UBR3: variants seen among roughly 807,000 people sequenced by gnomAD.
The protein encoded by UBR3 is ubiquitin protein ligase E3 component n-recognin 3.
A neutral mutation model predicts 243.2 loss-of-function variants in UBR3; 85 were observed. The observed-to-expected ratio is 0.35, with a 90% CI of 0.29 to 0.42. The LOEUF (loss-of-function observed/expected upper bound fraction) is 0.42, where lower values mean the gene tolerates loss of function less well. Ranked by LOEUF, UBR3 falls within the 10% of genes least tolerant of loss-of-function variation. The pLI is 1.00. For missense variants in UBR3, 1,686 were observed against 2,300.8 expected, an observed-to-expected ratio of 0.73 and a Z score of 5.47; for synonymous variants, 748 against 799.8, an observed-to-expected ratio of 0.94 and a Z score of 1.09.
In UBR3 at chr2:169,914,143, C is replaced by T. The variant is rs552260268; in HGVS notation, c.1863C>T (p.Asp621=). 2.6e-5 allele frequency: 39 copies of T among 1,489,114 alleles called. No homozygotes were observed. The highest frequency in any genetic ancestry group is 2.1e-4 in the African/African-American group (15 of 70,200). 92.2% of individuals were successfully genotyped at this position (1,489,114 alleles called of 1,614,324 possible). Reference sequence around the variant, plus strand: ...GGTTTGATGCTATTAACTTCGTAGACGAGGTATGTATATTTTTGATGTATG... The same window carrying T: ...GGTTTGATGCTATTAACTTCGTAGATGAGGTATGTATATTTTTGATGTATG... ...QDWFDAINFV[D]EPAPNQVTFH... Residue 621 remains aspartate, a synonymous_variant, in exon 11 of 39, where the codon GAC becomes GAT. Coordinates refer to ENST00000272793, the MANE Select transcript of UBR3 (RefSeq NM_172070.4).
At chr2:169,846,539 G>A (rs757313029) in intron 1 of UBR3, among the ~76,000 whole-genome samples, 24 of 152,134 alleles carry the variant, frequency 1.6e-4, no homozygotes, top group Non-Finnish European at 2.1e-4. Context: ...GTGAAACTCC[G>A]TCTCTACTAA....
intron 5 of UBR3, among the ~76,000 whole-genome samples, chr2:169,883,657 A>T (rs2083978652): frequency 6.6e-6 from 1 of 152,210 alleles, no homozygotes; most frequent in African/African-American, 2.4e-5. Flanking sequence ...ATAATTTCTT[A>T]TAAATTTTCT....
At position 169,891,691 on chromosome 2, in the gene UBR3, A is replaced by G. The variant is rs143052498; in HGVS notation, c.1105+460A>G. Among the ~76,000 whole-genome samples the G allele has an allele frequency of 2.6e-5, 4 of 152,138 alleles. No individual in the cohort carries two copies. In the East Asian group the frequency reaches 5.8e-4, roughly 22 times the overall value. ...CGTCATAAAGGCTCAGTAGGGACTC[A>G]TGTGTTTACTCAAAGGAGAAAGTAT... On this transcript the variant is annotated intron_variant, in intron 6 of 38. Coordinates refer to ENST00000272793, the MANE Select transcript of UBR3 (RefSeq NM_172070.4).
chr2:170,034,705 G>A (rs995244468), intron 31 of UBR3, among the ~76,000 whole-genome samples: 7 of 151,476 alleles, frequency 4.6e-5, no homozygotes, highest in African/African-American at 1.7e-4. Context: ...ATGATTACTG[G>A]ATCATATAGT....
intron 2 of UBR3, among the ~76,000 whole-genome samples, chr2:169,874,930 A>T (rs1450135717): frequency 6.6e-6 from 1 of 151,784 alleles, no homozygotes; most frequent in Non-Finnish European, 1.5e-5. Context: ...TTCCTTTTAG[A>T]CCTCGGCTTC....
At chr2:170,076,898 T>C (rs1325834271) in intron 36 of UBR3, among the ~76,000 whole-genome samples, 2 of 152,208 alleles carry the variant, frequency 1.3e-5, no homozygotes, top group Non-Finnish European at 2.9e-5. Flanking sequence ...TTCCAAAATA[T>C]TGCTCTACCA....
At chr2:170,021,726 T>C (rs1243306248) in intron 30 of UBR3, among the ~76,000 whole-genome samples, 4 of 152,180 alleles carry the variant, frequency 2.6e-5, no homozygotes, top group Admixed American at 6.5e-5. Context: ...AGTTTATCTT[T>C]TGAGAACAAA....
At chr2:169,947,338 A>G (rs1013857040) in intron 21 of UBR3, 14 of 367,986 alleles carry the variant, frequency 3.8e-5, no homozygotes, top group Non-Finnish European at 5.8e-5. Flanking sequence ...GGACATACCC[A>G]TATTAGTATT....
chr2:169,914,469 T>C (rs2085375522), intron 11 of UBR3, among the ~76,000 whole-genome samples: 2 of 152,164 alleles, frequency 1.3e-5, no homozygotes, highest in African/African-American at 4.8e-5. Context: ...TATATAAAAG[T>C]GACAATGCAA....
intron 5 of UBR3, among the ~76,000 whole-genome samples, chr2:169,881,737 T>C (rs1574110733): frequency 7.2e-6 from 1 of 139,818 alleles, no homozygotes; most frequent in East Asian, 2.0e-4. Context: ...TATTATATAT[T>C]ATATAATATA....
intron 28 of UBR3, 45 bp from the exon 29 acceptor site, chr2:170,008,755 TAAAG>T (rs746370650): frequency 5.2e-6 from 5 of 956,702 alleles, no homozygotes; most frequent in Admixed American, 2.9e-5. Context: ...AGACCATTAT[TAAAG>T]AAAGTGAATA....
intron 5 of UBR3, among the ~76,000 whole-genome samples, chr2:169,881,997 TTATATAA>T (rs1559054041): frequency 8.0e-6 from 1 of 125,722 alleles, no homozygotes; most frequent in Non-Finnish European, 1.6e-5. Flanking sequence ...ATATGTATAT[TTATATAA>T]TATATAATAT....
chr2:169,840,625 G>C (rs1260662973), intron 1 of UBR3, among the ~76,000 whole-genome samples: 3 of 152,102 alleles, frequency 2.0e-5, no homozygotes, highest in Non-Finnish European at 2.9e-5. Flanking sequence ...TGGTGGACCT[G>C]CCCCTTCCCC....
chr2:169,994,196 G>C, intron 25 of UBR3, 127 bp from the exon 26 acceptor site: 1 of 1,079,628 alleles, frequency 9.3e-7, no homozygotes, highest in Non-Finnish European at 1.3e-6. Context: ...TTTTTGAGGG[G>C]TCTTTAAAAA....
intron 14 of UBR3, among the ~76,000 whole-genome samples, chr2:169,926,229 G>A (rs1559100683): frequency 6.6e-6 from 1 of 152,234 alleles, no homozygotes; most frequent in Non-Finnish European, 1.5e-5. Context: ...CTGGCTCTGG[G>A]AGGGACTATC....
chr2:169,853,023 C>T (rs1486810165), intron 1 of UBR3, among the ~76,000 whole-genome samples: 3 of 151,988 alleles, frequency 2.0e-5, no homozygotes, highest in Non-Finnish European at 4.4e-5. Flanking sequence ...TTCATTCAAA[C>T]CAAAACAATG....
Position 170,033,577 on chromosome 2 carries a change from ACCCACCC to A in UBR3, c.4556+4133_4556+4139del, listed in dbSNP as rs1349761050. Among the ~76,000 whole-genome samples, 52 of 39,472 alleles carry A rather than the reference ACCCACCC, an allele frequency of 1.3e-3. 6 individuals are homozygous for A. The Middle Eastern group carries it at 0.043, about 33-fold the overall frequency. 25.9% of individuals were successfully genotyped at this position (39,472 alleles called of 152,430 possible). On this transcript the variant is annotated intron_variant, in intron 31 of 38. Transcript: ENST00000272793. Reference sequence around the variant, plus strand: ...CGGAAAATTTGATTGGTTTTTCCACACCCACCCCCCCCCCCCCCAATATTTGCTCTCA... The same window carrying A: ...CGGAAAATTTGATTGGTTTTTCCACACCCCCCCCCCCAATATTTGCTCTCA...
intron 26 of UBR3, among the ~76,000 whole-genome samples, chr2:169,994,957 A>G (rs1051738511): frequency 2.0e-5 from 3 of 152,092 alleles, no homozygotes; most frequent in African/African-American, 7.2e-5. Context: ...GTGTCCTGCC[A>G]TGGGATGGGG....
intron 2 of UBR3, 136 bp from the exon 3 acceptor site, chr2:169,875,655 C>A: frequency 1.2e-6 from 1 of 863,730 alleles, no homozygotes; most frequent in Non-Finnish European, 1.6e-6. Context: ...AAACAGAGTT[C>A]TTGTATTGAC....
Sources: gnomAD v4.1 joint callset for allele counts (sites outside exome capture counted in the v4.1 genomes callset) on GRCh38, gnomAD v4.1.1 for gene constraint, MANE v1.5 for transcripts, NCBI Gene and HGNC (gene_info 2026-07-23, HGNC 2026-07-21) for gene names.